Variants in RALYL observed in about 807,000 individuals in gnomAD.
RALYL encodes the protein RNA-binding Raly-like protein.
RALYL carries 29 observed loss-of-function variants against 35.1 expected under a neutral mutation model. The observed-to-expected ratio is 0.83, with a 90% CI of 0.61 to 1.13. The LOEUF is 1.13. Among genes scored for constraint, RALYL ranks in the 50% most tolerant of loss-of-function variants. The pLI, the probability that RALYL is intolerant of heterozygous loss-of-function variation, is 0.00. For synonymous variants in RALYL, 120 were observed against 127.6 expected, an observed-to-expected ratio of 0.94 and a Z score of 0.40; for missense variants, 359 against 360.4, an observed-to-expected ratio of 1.00 and a Z score of 0.03.
rs186402216 is a variant in RALYL at position 84,697,915 on chromosome 8, C to T, written c.257-76664C>T. ...TGAAATCTCACATATCAAATATATT[C>T]TCCCATTGTCTGACACTTTAAAAGC... On this transcript the variant is annotated intron_variant, in intron 2 of 8. Coordinates refer to ENST00000521268, the MANE Select transcript of RALYL (RefSeq NM_173848.7). Among the ~76,000 whole-genome samples, 148 of 152,186 alleles carry T rather than the reference C, an allele frequency of 9.7e-4. 2 individuals carry two copies. The highest frequency in any genetic ancestry group is 6.8e-3 in the Middle Eastern group (2 of 294).
intron 2 of RALYL, among the ~76,000 whole-genome samples, chr8:84,635,772 G>A (rs747610049): frequency 6.6e-6 from 1 of 151,736 alleles, no homozygotes; most frequent in Non-Finnish European, 1.5e-5. Flanking sequence ...ATGGTGCGCA[G>A]AATGGAAATA....
intron 1 of RALYL, among the ~76,000 whole-genome samples, chr8:84,468,281 C>T (rs1363904892): frequency 6.6e-6 from 1 of 151,914 alleles, no homozygotes; most frequent in Non-Finnish European, 1.5e-5. Flanking sequence ...GCGGCTGGTA[C>T]CCGTTGTTCC....
chr8:84,625,976 A>C (rs1036371532), intron 2 of RALYL, among the ~76,000 whole-genome samples: 6 of 152,178 alleles, frequency 3.9e-5, no homozygotes, highest in African/African-American at 1.4e-4. Context: ...GCTAAAAGGT[A>C]ATTCAGAGAC....
intron 4 of RALYL, among the ~76,000 whole-genome samples, chr8:84,843,175 T>C (rs1431159421): frequency 6.6e-6 from 1 of 152,196 alleles, no homozygotes; most frequent in Non-Finnish European, 1.5e-5. Flanking sequence ...GGAAGTCATA[T>C]TGTCCCTGTT....
chr8:84,570,274 A>G (rs1219617964), intron 2 of RALYL, among the ~76,000 whole-genome samples: 3 of 151,156 alleles, frequency 2.0e-5, no homozygotes, highest in Non-Finnish European at 4.4e-5. Context: ...CAGTATTTTT[A>G]GTTCTCCTTG....
At chr8:84,444,842 C>T (rs1312848309) in intron 1 of RALYL, among the ~76,000 whole-genome samples, 2 of 151,998 alleles carry the variant, frequency 1.3e-5, no homozygotes, top group Non-Finnish European at 2.9e-5. Flanking sequence ...TGAATTTACT[C>T]AGAAATGGAT....
At chr8:84,800,991 G>T (rs563990383) in intron 3 of RALYL, among the ~76,000 whole-genome samples, 1 of 152,222 alleles carries the variant, frequency 6.6e-6, no homozygotes, top group South Asian at 2.1e-4. Flanking sequence ...AGTTGGCTAT[G>T]ATGTTTGCTA....
chr8:84,355,373 A>G (rs964244859), intron 1 of RALYL, among the ~76,000 whole-genome samples: 3 of 150,520 alleles, frequency 2.0e-5, no homozygotes, highest in African/African-American at 7.4e-5. Context: ...GTAAGAGTGG[A>G]TAACTTGTGG....
At chr8:84,383,932 A>C (rs534829138) in intron 1 of RALYL, among the ~76,000 whole-genome samples, 1 of 151,890 alleles carries the variant, frequency 6.6e-6, no homozygotes, top group East Asian at 1.9e-4. Context: ...CCAGATACTT[A>C]TATGAAAATA....
chr8:84,885,221 G>C (rs553225076), intron 7 of RALYL, among the ~76,000 whole-genome samples: 13 of 152,044 alleles, frequency 8.6e-5, no homozygotes, highest in Non-Finnish European at 1.5e-4. Flanking sequence ...TCTTCAGTAA[G>C]AGTAAAATTG....
At chr8:84,811,465 C>A (rs1825891469) in intron 4 of RALYL, among the ~76,000 whole-genome samples, 1 of 152,118 alleles carries the variant, frequency 6.6e-6, no homozygotes, top group Non-Finnish European at 1.5e-5. Context: ...TTCATCTTAA[C>A]TTTAGATAAC....
chr8:84,312,652 C>T (rs894598654), intron 1 of RALYL, among the ~76,000 whole-genome samples: 1 of 152,338 alleles, frequency 6.6e-6, no homozygotes, highest in Non-Finnish European at 1.5e-5. Context: ...CTTTGGACCC[C>T]GTGTCTCACA....
chr8:84,854,604 G>A (rs1275899204), intron 5 of RALYL, among the ~76,000 whole-genome samples: 2 of 152,118 alleles, frequency 1.3e-5, no homozygotes, highest in Non-Finnish European at 2.9e-5. Context: ...TTAACCCCAT[G>A]CTGCTTGTTT....
intron 1 of RALYL, among the ~76,000 whole-genome samples, chr8:84,268,605 G>A (rs189591068): frequency 5.9e-5 from 9 of 152,198 alleles, no homozygotes; most frequent in Admixed American, 2.0e-4. Flanking sequence ...GTTAAGATAC[G>A]CGGAACTACA....
intron 4 of RALYL, among the ~76,000 whole-genome samples, chr8:84,820,353 T>C (rs1828257250): frequency 1.3e-5 from 2 of 152,072 alleles, no homozygotes; most frequent in African/African-American, 4.8e-5. Flanking sequence ...CATAAGAAAA[T>C]GAATCAGTAA....
intron 2 of RALYL, among the ~76,000 whole-genome samples, chr8:84,658,564 A>G (rs951394645): frequency 6.6e-6 from 1 of 152,164 alleles, no homozygotes; most frequent in African/African-American, 2.4e-5. Context: ...AGTACTAGTG[A>G]TCCCATAGAA....
chr8:84,599,786 A>G (rs1245561869), intron 2 of RALYL, among the ~76,000 whole-genome samples: 1 of 152,290 alleles, frequency 6.6e-6, no homozygotes, highest in Admixed American at 6.5e-5. Context: ...TCTTAAACAA[A>G]GGAAATTTTA....
chr8:84,494,257 G>A (rs1448817201), intron 1 of RALYL, among the ~76,000 whole-genome samples: 1 of 151,946 alleles, frequency 6.6e-6, no homozygotes, highest in Non-Finnish European at 1.5e-5. Flanking sequence ...TGTTCCATTG[G>A]TCTATATGTC....
At chr8:84,406,455 A>C (rs2132081953) in intron 1 of RALYL, among the ~76,000 whole-genome samples, 1 of 151,386 alleles carries the variant, frequency 6.6e-6, no homozygotes, top group Admixed American at 6.6e-5. Flanking sequence ...TGGAGAAAAA[A>C]CCCTATCTTC....
Sources: allele counts gnomAD v4.1 joint callset (sites outside exome capture counted in the v4.1 genomes callset), GRCh38; gene constraint gnomAD v4.1.1; transcripts MANE v1.5; gene names NCBI Gene and HGNC (gene_info 2026-07-23, HGNC 2026-07-21).